Variants in TEX264 observed in about 807,000 individuals in gnomAD.
The protein encoded by TEX264 is testis expressed 264, ER-phagy receptor, also known as testis-expressed protein 264.
In TEX264, 13 loss-of-function variants were observed where a neutral mutation model predicts 23.4. The observed-to-expected ratio is 0.56, with a 90% CI of 0.36 to 0.88. TEX264 has a LOEUF of 0.88. TEX264 is among the 40% of genes least tolerant of loss of function. The probability of loss-of-function intolerance (pLI) is 0.01; values close to 1 mark genes in which losing one functional copy is unlikely to be tolerated. For missense variants in TEX264, 340 were observed against 406.8 expected (o/e 0.84, Z 1.41); for synonymous variants, 159 against 170.0 (o/e 0.94, Z 0.50).
chr3:51,684,201 A>C, intron 2 of TEX264: 8 of 574,256 alleles, frequency 1.4e-5, no homozygotes, highest in East Asian at 5.9e-5. Flanking sequence ...TGTTGAAGGA[A>C]TAGATGAGAG....
intron 2 of TEX264, among the ~76,000 whole-genome samples, chr3:51,676,156 C>A (rs1372464667): frequency 2.0e-5 from 3 of 152,170 alleles, no homozygotes; most frequent in Non-Finnish European, 4.4e-5. Context: ...GACCCTCACC[C>A]CTTCAAGGGC....
chr3:51,676,931 T>C (rs1702251785), intron 2 of TEX264, among the ~76,000 whole-genome samples: 1 of 152,068 alleles, frequency 6.6e-6, no homozygotes, highest in Admixed American at 6.5e-5. Flanking sequence ...AGAAGACACC[T>C]GTGTCCCCAT....
In TEX264 at chr3:51,674,342, T is replaced by C; in HGVS notation, c.38T>C (p.Leu13Pro). 1 of 1,614,230 alleles carries C rather than the reference T, an allele frequency of 6.2e-7. No homozygotes were observed. Among genetic ancestry groups the C allele is most frequent in the Non-Finnish European group, 8.5e-7 (1 of 1,180,032 alleles). Residue 13 changes from leucine (L) to proline (P), a missense_variant, in exon 2 of 5, where the codon CTG becomes CCG. Physicochemically the swap from Leu to Pro is moderately conservative, Grantham distance 98. Coordinates refer to ENST00000341333, the MANE Select transcript of TEX264 (RefSeq NM_015926.6). ...CTACTACTGGGCCTGATTGGGGGCC[T>C]GACTCTCTTACTGCTGCTGACGCTG... Reference protein sequence around the residue: ...DLLLLGLIGGLTLLLLLTLLA... With the variant: ...DLLLLGLIGGPTLLLLLTLLA...
At chr3:51,680,111 G>C (rs1291450991) in intron 2 of TEX264, among the ~76,000 whole-genome samples, 2 of 152,220 alleles carry the variant, frequency 1.3e-5, no homozygotes, top group African/African-American at 2.4e-5. Flanking sequence ...CAGTGGGCTG[G>C]CATGGGAAGA....
chr3:51,686,957 C>G lies in TEX264; in HGVS notation c.480+2323C>G, dbSNP rs1702643661. 6.6e-6 allele frequency among the ~76,000 whole-genome samples: 1 copy of G among 152,222 alleles called. No homozygotes were observed. Among genetic ancestry groups the G allele is most frequent in the Non-Finnish European group, 1.5e-5 (1 of 68,038 alleles). ...GGCTTCAGGGGTTTATTTTTAGACA[C>G]CTTTGTCCAAATTTCCCGGCCCCTG... On this transcript the variant is annotated intron_variant, in intron 3 of 4. Coordinates refer to ENST00000341333, the MANE Select transcript of TEX264 (RefSeq NM_015926.6). This position sits in a 1 kb window ranked among gnomAD's most constrained non-coding sequence, Gnocchi z 4.1.
In TEX264 at chr3:51,704,100, C is replaced by T; in HGVS notation, c.*84C>T. 8.0e-7 allele frequency: 1 copy of T among 1,248,528 alleles called. No homozygotes were observed. The highest frequency in any genetic ancestry group is 1.0e-6 in the Non-Finnish European group (1 of 975,182). 77.3% of individuals were successfully genotyped at this position (1,248,528 alleles called of 1,614,324 possible). On this transcript the variant is annotated 3_prime_UTR_variant, in exon 5 of 5. Coordinates refer to ENST00000341333, the MANE Select transcript of TEX264 (RefSeq NM_015926.6). Reference sequence around the variant, plus strand: ...AGACTCTCCAGCCCTCTTCCTCCTTCCTCTGGGGGAGGAGGGGTTCCTGAG... The same window carrying T: ...AGACTCTCCAGCCCTCTTCCTCCTTTCTCTGGGGGAGGAGGGGTTCCTGAG...
chr3:51,687,725 A>G (rs1702675944), intron 3 of TEX264, among the ~76,000 whole-genome samples: 1 of 151,904 alleles, frequency 6.6e-6, no homozygotes, highest in African/African-American at 2.4e-5. Context: ...AGGCTAGGTG[A>G]GGGGCAGGGG....
chr3:51,698,299 A>G (rs535312998), intron 3 of TEX264, among the ~76,000 whole-genome samples: 1 of 152,318 alleles, frequency 6.6e-6, no homozygotes, highest in African/African-American at 2.4e-5. Context: ...TTGCCAGGCA[A>G]TAAGTCTCTC....
At chr3:51,690,746 C>T (rs375203681) in intron 3 of TEX264, among the ~76,000 whole-genome samples, 3 of 152,120 alleles carry the variant, frequency 2.0e-5, no homozygotes, top group East Asian at 1.9e-4. Flanking sequence ...ACTGAGGTCT[C>T]TTGTGTGTGT....
At chr3:51,699,908 G>A (rs988337877) in intron 4 of TEX264, among the ~76,000 whole-genome samples, 1 of 152,300 alleles carries the variant, frequency 6.6e-6, no homozygotes, top group East Asian at 1.9e-4. Context: ...GGGGGCTGAG[G>A]CTGCTCAGGA....
At chr3:51,689,164 C>A (rs951446185) in intron 3 of TEX264, among the ~76,000 whole-genome samples, 5 of 151,952 alleles carry the variant, frequency 3.3e-5, no homozygotes, top group African/African-American at 1.2e-4. Context: ...TGGCTCACAC[C>A]TGTAATCCCA....
Position 51,694,085 on chromosome 3 carries a change from G to GTCCTTCCTTCCTTCCTTCCT in TEX264, c.481-5282_481-5263dup, listed in dbSNP as rs60670569. 7.3e-4 allele frequency among the ~76,000 whole-genome samples: 62 copies of GTCCTTCCTTCCTTCCTTCCT among 85,322 alleles called. 1 individual carries two copies. Among genetic ancestry groups the GTCCTTCCTTCCTTCCTTCCT allele is most frequent in the South Asian group, 3.4e-3 (6 of 1,768 alleles). 56.0% of individuals were successfully genotyped at this position (85,322 alleles called of 152,430 possible). A position where few individuals can be genotyped will look rare whatever the true frequency, so the allele number is the denominator to read the frequency against. ...CCTTCCCTTCCCCTTCCTTCCGTCC[G>GTCCTTCCTTCCTTCCTTCCT]TCCTTCCTTCCTTCCTTCCTTCCTT... On this transcript the variant is annotated intron_variant, in intron 3 of 4. Coordinates refer to ENST00000341333, the MANE Select transcript of TEX264 (RefSeq NM_015926.6).
In TEX264 at chr3:51,699,418, T is replaced by C. The variant is rs1281316019; in HGVS notation, c.493T>C (p.Cys165Arg). Residue 165 changes from cysteine to arginine, a missense_variant, in exon 4 of 5, where the codon TGT becomes CGT. Transcript: ENST00000341333. ...LDTYIKERKL[C>R]AYPRLEIYQE... ...ACTCTCTGACTAGGAGCGGAAGCTG[T>C]GTGCCTATCCTCGGCTGGAGATCTA... 2 of 1,613,594 alleles carry C rather than the reference T, an allele frequency of 1.2e-6. No homozygotes were observed. Among genetic ancestry groups the C allele is most frequent in the Non-Finnish European group, 1.7e-6 (2 of 1,179,772 alleles).
At chr3:51,685,982 A>G (rs1320329369) in intron 3 of TEX264, among the ~76,000 whole-genome samples, 2 of 152,172 alleles carry the variant, frequency 1.3e-5, no homozygotes, top group Non-Finnish European at 2.9e-5. Context: ...CAGGTGGGCA[A>G]GTATGTAGTG....
At position 51,684,590 on chromosome 3, in the gene TEX264, C is replaced by T. The variant is rs1234770193; in HGVS notation, c.436C>T (p.Leu146=). 1 of 1,614,242 alleles carries T rather than the reference C, an allele frequency of 6.2e-7. No homozygotes were observed. Among genetic ancestry groups the T allele is most frequent in the South Asian group, 1.1e-5 (1 of 91,088 alleles). The part of the protein sequence containing the change: ...FPYTTILSIW[L]ATRRVHPALD... ...CTACACCACCATTCTGTCCATCTGG[C>T]TGGCTACCCGCCGTGTCCATCCTGC... Residue 146 remains leucine (L), a synonymous_variant, in exon 3 of 5, where the codon CTG becomes TTG. Coordinates refer to ENST00000341333, the MANE Select transcript of TEX264 (RefSeq NM_015926.6).
rs1702638327 is a variant in TEX264 at position 51,686,778 on chromosome 3, AG to A, written c.480+2146del. Among the ~76,000 whole-genome samples the A allele has an allele frequency of 6.6e-6, 1 of 152,050 alleles. No individual in the cohort carries two copies. On this transcript the variant is annotated intron_variant, in intron 3 of 4. Coordinates refer to ENST00000341333, the MANE Select transcript of TEX264 (RefSeq NM_015926.6). This position sits in a 1 kb window ranked among gnomAD's most constrained non-coding sequence, Gnocchi z 4.1. ...AGTCCCGCCCCATTTCATTCAAGGA[AG>A]GCCTCTCCAGTCCTGTCGGTGCCAT...
chr3:51,682,139 T>A (rs1362943390), intron 2 of TEX264: 1 of 152,104 alleles, frequency 6.6e-6, no homozygotes, highest in Non-Finnish European at 1.5e-5. Context: ...ACAGCACAGG[T>A]TGGTAGGGTC....
Position 51,703,970 on chromosome 3 carries a change from C to G in TEX264, c.896C>G (p.Thr299Ser), listed in dbSNP as rs774292309. ...CCTGGGACTGAGCCCCTGGGGACTACCAAGTGGCTCTGGGAGCCCACTGCC... is the reference window on the plus strand; with the variant it reads ...CCTGGGACTGAGCCCCTGGGGACTAGCAAGTGGCTCTGGGAGCCCACTGCC... ...LDPGTEPLGT[T>S]KWLWEPTAPE... The change falls in exon 5 of 5, where the codon ACC becomes AGC. Residue 299 changes from threonine to serine, a missense_variant. Transcript: ENST00000341333. This position sits in a 1 kb window ranked among gnomAD's most constrained non-coding sequence, Gnocchi z 4.8. 7.7e-5 allele frequency: 121 copies of G among 1,563,464 alleles called. No homozygotes were observed. The highest frequency in any genetic ancestry group is 9.4e-5 in the Non-Finnish European group (108 of 1,150,178).
rs1463264821 is a variant in TEX264 at position 51,684,440 on chromosome 3, G to A, written c.286G>A (p.Val96Met). ...MVPPDKCRCAVGSILSEGEES... is the reference protein window; with the variant it reads ...MVPPDKCRCAMGSILSEGEES... ...GCCCCCTGATAAGTGCCGATGTGCCGTGGGCAGCATCCTGAGTGAAGGTGA... is the reference window on the plus strand; with the variant it reads ...GCCCCCTGATAAGTGCCGATGTGCCATGGGCAGCATCCTGAGTGAAGGTGA... Residue 96 changes from valine (V) to methionine (M), a missense_variant, in exon 3 of 5, where the codon GTG (valine) becomes ATG (methionine). Transcript: ENST00000341333. The A allele has an allele frequency of 3.7e-6, 6 of 1,614,124 alleles. No homozygotes were observed. The highest frequency in any genetic ancestry group is 5.1e-6 in the Non-Finnish European group (6 of 1,180,006).
Sources: gnomAD v4.1 joint callset for allele counts (sites outside exome capture counted in the v4.1 genomes callset) on GRCh38, gnomAD v4.1.1 for gene constraint, Gnocchi (gnomAD v3.1) non-coding constraint, MANE v1.5 for transcripts, NCBI Gene and HGNC (gene_info 2026-07-23, HGNC 2026-07-21) for gene names.